Variants in STK3 observed in about 807,000 individuals in gnomAD.
STK3 encodes serine/threonine kinase 3.
In STK3, 41 loss-of-function variants were observed where a neutral mutation model predicts 58.0. That is an observed-to-expected ratio of 0.71 (90% CI 0.55 to 0.92). The LOEUF (loss-of-function observed/expected upper bound fraction) is 0.92, where lower values mean the gene tolerates loss of function less well. Ranked by LOEUF, STK3 falls within the 40% of genes least tolerant of loss-of-function variation. The pLI is 0.00. For missense variants in STK3, 479 were observed against 602.7 expected, an observed-to-expected ratio of 0.79 and a Z score of 2.15; for synonymous variants, 170 against 191.0, an observed-to-expected ratio of 0.89 and a Z score of 0.91.
Position 98,772,624 on chromosome 8 carries a change from G to A in STK3, c.107+2115C>T, listed in dbSNP as rs922542830. On this transcript the variant is annotated intron_variant, in intron 2 of 10. Transcript: ENST00000419617. ...TGAGGCAACAGAATCCCTTGAACCC[G>A]GGAGAAGGATGCAGTGAGCCACGAT... is the stretch of plus-strand genomic sequence containing the variant. 4.6e-5 allele frequency among the ~76,000 whole-genome samples: 7 copies of A among 152,020 alleles called. No individual in the cohort carries two copies. In the South Asian group the frequency reaches 6.2e-4, roughly 14 times the overall value.
chr8:98,648,886 G>A lies in STK3; in HGVS notation c.685-52717C>T, dbSNP rs375512349. Among the ~76,000 whole-genome samples, 12 of 145,448 alleles carry A rather than the reference G, an allele frequency of 8.3e-5. No individual in the cohort carries two copies. In the East Asian group the frequency reaches 1.0e-3, roughly 12 times the overall value. On this transcript the variant is annotated intron_variant, in intron 6 of 10. Coordinates refer to ENST00000419617, the MANE Select transcript of STK3 (RefSeq NM_006281.4). Reference sequence around the variant, plus strand: ...AGCCTGGGTGACAGAGCAAGACTCCGTCTCAAAAAAAAAAAAAAAATTAGC... The same window carrying A: ...AGCCTGGGTGACAGAGCAAGACTCCATCTCAAAAAAAAAAAAAAAATTAGC...
At chr8:98,812,853 T>C (rs987924237) in intron 1 of STK3, among the ~76,000 whole-genome samples, 1 of 152,038 alleles carries the variant, frequency 6.6e-6, no homozygotes, top group Non-Finnish European at 1.5e-5. Context: ...ACTTGGACAC[T>C]GGGTGGGGAA....
In STK3 at chr8:98,466,363, G is replaced by A. The variant is rs373961004; in HGVS notation, c.1318-10363C>T. On this transcript the variant is annotated intron_variant, in intron 10 of 10. Coordinates refer to ENST00000419617, the MANE Select transcript of STK3 (RefSeq NM_006281.4). ...TCTCCAATTACACTCTTTCGGCTAT[G>A]CAAAGTCAAATTTCCTTGACATATC... 2.2e-3 allele frequency among the ~76,000 whole-genome samples: 328 copies of A among 152,322 alleles called. 1 individual carries two copies. The highest frequency in any genetic ancestry group is 0.017 in the Middle Eastern group (5 of 292).
rs994045407 is a variant in STK3 at position 98,706,452 on chromosome 8, C to A, written c.684+15G>T. 3.1e-6 allele frequency: 5 copies of A among 1,596,654 alleles called. No individual in the cohort carries two copies. The African/African-American group carries it at 6.7e-5, about 22-fold the overall frequency. On this transcript the variant is annotated intron_variant, in intron 6 of 10. Coordinates refer to ENST00000419617, the MANE Select transcript of STK3 (RefSeq NM_006281.4). ...ATATAAGGCTAACATTTTCAGCAAA[C>A]CATAATTTTCTTACCCTCATTGGAT...
chr8:98,893,226 T>C (rs1266274539), intron 1 of STK3, among the ~76,000 whole-genome samples: 1 of 151,524 alleles, frequency 6.6e-6, no homozygotes, highest in African/African-American at 2.4e-5. Flanking sequence ...CTATCCCTAC[T>C]AAAAATACAA....
intron 1 of STK3, among the ~76,000 whole-genome samples, chr8:98,811,635 GT>G (rs1300450866): frequency 2.7e-5 from 4 of 150,838 alleles, no homozygotes; most frequent in Non-Finnish European, 5.9e-5. Flanking sequence ...CACATGAAAG[GT>G]TTTCATCCTT....
At chr8:98,826,039 T>C (rs1020945161), upstream of STK3, among the ~76,000 whole-genome samples, 3 of 151,642 alleles carry the variant, frequency 2.0e-5, no homozygotes, top group African/African-American at 7.3e-5. Flanking sequence ...CAGAGCCCCG[T>C]GACCGGGAAA....
At chr8:98,355,065 G>A in the STK3 span, among the ~76,000 whole-genome samples, 3 of 152,314 alleles carry the variant, frequency 2.0e-5, no homozygotes, top group African/African-American at 7.2e-5. Context: ...ACAGGCATGA[G>A]CCACCGCAAC....
At chr8:98,891,626 T>TGAGAGA (rs56830700) in intron 1 of STK3, among the ~76,000 whole-genome samples, 60 of 148,458 alleles carry the variant, frequency 4.0e-4, no homozygotes, top group South Asian at 3.5e-3. Flanking sequence ...TGTGTGTGTG[T>TGAGAGA]GAGAGAGAGA....
chr8:98,940,661 C>G (rs1357938279), intron 1 of STK3, among the ~76,000 whole-genome samples: 8 of 152,334 alleles, frequency 5.3e-5, no homozygotes, highest in African/African-American at 1.9e-4. Context: ...CTGGGAAACC[C>G]CTCTGCATCT....
At chr8:98,395,964 C>T (rs1817893806) in intron 3 of STK3, among the ~76,000 whole-genome samples, 1 of 152,192 alleles carries the variant, frequency 6.6e-6, no homozygotes, top group African/African-American at 2.4e-5. Flanking sequence ...TCTCTTCTGA[C>T]ACCACTGAAT....
rs73273942 is a variant in STK3 at position 98,421,015 on chromosome 8, C to A, written n.483+13112G>T. Among the ~76,000 whole-genome samples, 113 of 152,310 alleles carry A rather than the reference C, an allele frequency of 7.4e-4. No homozygotes were observed. In the East Asian group the frequency reaches 0.019, roughly 25 times the overall value. On this transcript the variant is annotated intron_variant and non_coding_transcript_variant, in intron 3 of 3. Transcript: ENST00000517832. The stretch of plus-strand genomic sequence containing the variant: ...GACTGGGACAGCTAGCTTCATGGTG[C>A]GGGGCTGGCTCTTCATTTTCTCTGC...
chr8:98,872,904 T>C (rs1199685557), intron 3 of STK3, among the ~76,000 whole-genome samples: 1 of 152,212 alleles, frequency 6.6e-6, no homozygotes, highest in Non-Finnish European at 1.5e-5. Context: ...TTGCTCTTGC[T>C]TCTCTAGTTC....
chr8:98,515,626 T>G (rs1326837569), intron 10 of STK3, among the ~76,000 whole-genome samples: 1 of 152,126 alleles, frequency 6.6e-6, no homozygotes, highest in Non-Finnish European at 1.5e-5. Context: ...AGTATCATTG[T>G]TAAATAGTAC....
chr8:98,600,538 T>C (rs1728959634), intron 6 of STK3, among the ~76,000 whole-genome samples: 1 of 152,204 alleles, frequency 6.6e-6, no homozygotes, highest in African/African-American at 2.4e-5. Context: ...ATGTCAAAAT[T>C]AGAACAAGTT....
intron 8 of STK3, among the ~76,000 whole-genome samples, chr8:98,564,195 T>G (rs1249336012): frequency 6.6e-6 from 1 of 152,050 alleles, no homozygotes; most frequent in East Asian, 1.9e-4. Flanking sequence ...AAATCCCAAT[T>G]GAAGGACATT....
chr8:98,419,807 G>A (rs931954918), intron 3 of STK3, among the ~76,000 whole-genome samples: 6 of 152,174 alleles, frequency 3.9e-5, no homozygotes, highest in African/African-American at 1.4e-4. Flanking sequence ...TCTGGCCAGG[G>A]GCTGTGCAGA....
At chr8:98,516,453 A>G (rs1297153776) in intron 10 of STK3, among the ~76,000 whole-genome samples, 1 of 152,064 alleles carries the variant, frequency 6.6e-6, no homozygotes, top group Non-Finnish European at 1.5e-5. Flanking sequence ...TTATTTGAAG[A>G]ATATTTTTTC....
At chr8:98,607,054 G>C (rs1368268358) in intron 6 of STK3, among the ~76,000 whole-genome samples, 1 of 152,182 alleles carries the variant, frequency 6.6e-6, no homozygotes, top group Non-Finnish European at 1.5e-5. Flanking sequence ...CAGTAGAACA[G>C]AACCACAGTA....
Sources: allele counts gnomAD v4.1 joint callset (sites outside exome capture counted in the v4.1 genomes callset), GRCh38; gene constraint gnomAD v4.1.1; transcripts MANE v1.5; gene names NCBI Gene and HGNC (gene_info 2026-07-23, HGNC 2026-07-21).